Variants in LYPLAL1 observed in about 807,000 individuals in gnomAD.
LYPLAL1 encodes lysophospholipase like 1, also known as lysophospholipase-like protein 1.
In LYPLAL1, 23 loss-of-function variants were observed where a neutral mutation model predicts 19.7. That is an observed-to-expected ratio of 1.17 (90% CI 0.84 to 1.65). The LOEUF (loss-of-function observed/expected upper bound fraction) is 1.65, where lower values mean the gene tolerates loss of function less well. LYPLAL1 is among the 40% of genes most tolerant of loss of function. LYPLAL1 has a pLI of 0.00. For missense variants in LYPLAL1, 355 were observed against 279.4 expected (o/e 1.27, Z -1.93); for synonymous variants, 119 against 96.3 (o/e 1.24, Z -1.38).
the LYPLAL1 span, among the ~76,000 whole-genome samples, chr1:219,408,614 G>C: frequency 1.3e-5 from 2 of 152,036 alleles, no homozygotes; most frequent in African/African-American, 4.8e-5. Context: ...TTCTGGCAGG[G>C]GCTGGGGGGG....
chr1:219,422,406 T>C, the LYPLAL1 span, among the ~76,000 whole-genome samples: 2 of 152,206 alleles, frequency 1.3e-5, no homozygotes, highest in Non-Finnish European at 2.9e-5. Context: ...TCCTGAAAGA[T>C]AGGACTTCCC....
the LYPLAL1 span, among the ~76,000 whole-genome samples, chr1:219,357,735 G>T: frequency 6.6e-6 from 1 of 152,230 alleles, no homozygotes; most frequent in African/African-American, 2.4e-5. Context: ...GCCTACACAA[G>T]ATCTGAATGC....
At chr1:219,391,489 T>C in the LYPLAL1 span, among the ~76,000 whole-genome samples, 2 of 152,200 alleles carry the variant, frequency 1.3e-5, no homozygotes, top group South Asian at 4.1e-4. Flanking sequence ...CACACCTCTT[T>C]GGAGACATCT....
downstream of LYPLAL1, among the ~76,000 whole-genome samples, chr1:219,213,789 T>C (rs1659189953): frequency 6.6e-6 from 1 of 152,102 alleles, no homozygotes; most frequent in African/African-American, 2.4e-5. Context: ...TTAGGAGTTT[T>C]TCTGTAGATT....
intron 2 of LYPLAL1, among the ~76,000 whole-genome samples, chr1:219,190,330 G>T (rs940620702): frequency 1.3e-5 from 2 of 151,538 alleles, no homozygotes; most frequent in Non-Finnish European, 1.5e-5. Context: ...GCTGAGAAGG[G>T]TGTCTTCCTC....
chr1:219,276,156 T>C, the LYPLAL1 span, among the ~76,000 whole-genome samples: 46 of 152,326 alleles, frequency 3.0e-4, 2 homozygotes, highest in Admixed American at 2.9e-3. Context: ...TCACTTCATC[T>C]TTCAGCTGGT....
chr1:219,258,112 C>T, the LYPLAL1 span, among the ~76,000 whole-genome samples: 11 of 152,210 alleles, frequency 7.2e-5, no homozygotes, highest in South Asian at 6.2e-4. Context: ...GTTGTCTTCC[C>T]TTGTTCCCTA....
chr1:219,323,397 T>A, the LYPLAL1 span, among the ~76,000 whole-genome samples: 1 of 151,914 alleles, frequency 6.6e-6, no homozygotes, highest in African/African-American at 2.4e-5. Flanking sequence ...CTTCATTAGG[T>A]GAGTTTGAAA....
chr1:219,210,170 G>A lies in LYPLAL1; in HGVS notation c.362-362G>A, dbSNP rs552753954. On this transcript the variant is annotated intron_variant, in intron 3 of 4. Transcript: ENST00000366928. ...CAAAAAGGTGCAAATTATTAATTGCGTTGCAGTGTGAGGGTTTCTGTACGT... is the reference window on the plus strand; with the variant it reads ...CAAAAAGGTGCAAATTATTAATTGCATTGCAGTGTGAGGGTTTCTGTACGT... Among the ~76,000 whole-genome samples the A allele has an allele frequency of 2.0e-4, 30 of 152,190 alleles. 1 individual carries two copies. Among genetic ancestry groups the A allele is most frequent in the African/African-American group, 4.3e-4 (18 of 41,540 alleles).
At chr1:219,324,487 CT>C in the LYPLAL1 span, among the ~76,000 whole-genome samples, 4 of 152,194 alleles carry the variant, frequency 2.6e-5, no homozygotes, top group African/African-American at 7.2e-5. Flanking sequence ...TCCCTTCCCC[CT>C]CTGCACTCGT....
intron 3 of LYPLAL1, among the ~76,000 whole-genome samples, chr1:219,203,918 A>G (rs1382382236): frequency 1.3e-5 from 2 of 152,222 alleles, no homozygotes; most frequent in Non-Finnish European, 2.9e-5. Flanking sequence ...GAGTAAAACT[A>G]CATTTAAAAT....
At chr1:219,362,040 A>G in the LYPLAL1 span, among the ~76,000 whole-genome samples, 1 of 152,102 alleles carries the variant, frequency 6.6e-6, no homozygotes, top group African/African-American at 2.4e-5. Flanking sequence ...AATCCTCTTG[A>G]AAGTTCTCTC....
At chr1:219,367,994 T>C in the LYPLAL1 span, among the ~76,000 whole-genome samples, 1 of 151,988 alleles carries the variant, frequency 6.6e-6, no homozygotes, top group African/African-American at 2.4e-5. Flanking sequence ...TCTCTCCAAT[T>C]AAAGTATAAG....
chr1:219,281,048 AAAAAT>A, the LYPLAL1 span, among the ~76,000 whole-genome samples: 1 of 152,220 alleles, frequency 6.6e-6, no homozygotes, highest in Non-Finnish European at 1.5e-5. Context: ...GACTGTCTCA[AAAAAT>A]AAATAAATAA....
the LYPLAL1 span, among the ~76,000 whole-genome samples, chr1:219,293,630 G>T: frequency 2.0e-5 from 3 of 152,202 alleles, no homozygotes; most frequent in Non-Finnish European, 4.4e-5. Flanking sequence ...TTGGAAGGCT[G>T]ATTACAAAAC....
At chr1:219,370,655 T>C in the LYPLAL1 span, among the ~76,000 whole-genome samples, 606 of 152,272 alleles carry the variant, frequency 4.0e-3, 5 homozygotes, top group African/African-American at 0.014. Context: ...CTGTGAAAAG[T>C]CTTGAGTCTA....
At chr1:219,283,071 A>C in the LYPLAL1 span, among the ~76,000 whole-genome samples, 2 of 152,126 alleles carry the variant, frequency 1.3e-5, no homozygotes, top group Non-Finnish European at 2.9e-5. Flanking sequence ...GACATGATGA[A>C]ATGTTTGGAA....
downstream of LYPLAL1, among the ~76,000 whole-genome samples, chr1:219,215,304 A>T (rs114367770): frequency 1.3e-5 from 2 of 152,164 alleles, no homozygotes; most frequent in Admixed American, 6.5e-5. Context: ...TCTTACTTGA[A>T]TTATTTCGGA....
At chr1:219,217,619 A>G (rs918781568), downstream of LYPLAL1, among the ~76,000 whole-genome samples, 18 of 152,094 alleles carry the variant, frequency 1.2e-4, no homozygotes, top group African/African-American at 4.3e-4. Flanking sequence ...TCTACTCCTC[A>G]TTCACCTTGA....
Sources: allele counts gnomAD v4.1 joint callset (sites outside exome capture counted in the v4.1 genomes callset), GRCh38; gene constraint gnomAD v4.1.1; transcripts MANE v1.5; gene names NCBI Gene and HGNC (gene_info 2026-07-23, HGNC 2026-07-21).